The following AGMO variants were observed in gnomAD, a reference collection of about 807,000 sequenced individuals.
AGMO encodes alkylglycerol monooxygenase, also known as glyceryl-ether monooxygenase.
AGMO carries 75 observed loss-of-function variants against 60.2 expected under a neutral mutation model. The observed-to-expected ratio is 1.25, with a 90% CI of 1.03 to 1.51. The LOEUF (loss-of-function observed/expected upper bound fraction) is 1.51, where lower values mean the gene tolerates loss of function less well. Among genes scored for constraint, AGMO ranks in the 40% most tolerant of loss-of-function variants. AGMO has a pLI of 0.00. For synonymous variants in AGMO, 261 were observed against 177.1 expected, an observed-to-expected ratio of 1.47 and a Z score of -3.76; for missense variants, 763 against 525.5, an observed-to-expected ratio of 1.45 and a Z score of -4.42.
At chr7:15,513,238 C>T (rs1052360625) in intron 3 of AGMO, among the ~76,000 whole-genome samples, 1 of 152,134 alleles carries the variant, frequency 6.6e-6, no homozygotes, top group Non-Finnish European at 1.5e-5. Context: ...ACGAACATTA[C>T]TATTTTCCCA....
At chr7:15,385,321 G>A (rs540486515) in intron 10 of AGMO, 125 bp downstream of exon 10, 652 of 612,356 alleles carry the variant, frequency 1.1e-3, no homozygotes, top group Non-Finnish European at 1.6e-3. Flanking sequence ...AATGTGAGAC[G>A]TTGCCAAAAT....
intron 3 of AGMO, among the ~76,000 whole-genome samples, chr7:15,483,407 A>G (rs1355133283): frequency 8.5e-6 from 1 of 117,798 alleles, no homozygotes; most frequent in Non-Finnish European, 2.2e-5. Context: ...TCTACTAAAA[A>G]TACAAAAAAT....
At chr7:15,390,300 G>C (rs73284412) in intron 8 of AGMO, among the ~76,000 whole-genome samples, 66 of 152,274 alleles carry the variant, frequency 4.3e-4, no homozygotes, top group African/African-American at 1.3e-3. Flanking sequence ...TCTAACCAGA[G>C]TCATGCACCC....
At chr7:15,444,469 A>G (rs903805146) in intron 3 of AGMO, among the ~76,000 whole-genome samples, 19 of 152,210 alleles carry the variant, frequency 1.2e-4, no homozygotes, top group Non-Finnish European at 1.5e-5. Flanking sequence ...GAATCTTTCC[A>G]AAGCAATTAT....
chr7:15,306,508 A>G (rs773999851), intron 12 of AGMO: 19 of 470,036 alleles, frequency 4.0e-5, no homozygotes, highest in Middle Eastern at 3.2e-4. Context: ...CTCAAACTTA[A>G]AAGTTCTCCA....
At chr7:15,228,586 AG>A (rs1382074282) in intron 12 of AGMO, among the ~76,000 whole-genome samples, 1 of 152,192 alleles carries the variant, frequency 6.6e-6, no homozygotes, top group Non-Finnish European at 1.5e-5. Context: ...AGGACAGAAA[AG>A]TGAAAGAGCA....
intron 12 of AGMO, among the ~76,000 whole-genome samples, chr7:15,329,186 T>A (rs1781430094): frequency 6.6e-6 from 1 of 152,176 alleles, no homozygotes; most frequent in South Asian, 2.1e-4. Flanking sequence ...GAACGTAAAC[T>A]CCTCAGGGGC....
At chr7:15,161,822 T>C in the AGMO span, among the ~76,000 whole-genome samples, 9 of 152,166 alleles carry the variant, frequency 5.9e-5, no homozygotes, top group South Asian at 1.9e-3. Context: ...TCTGGCATCC[T>C]GTTAGTATGT....
chr7:15,415,127 A>T (rs1214164795), intron 5 of AGMO, among the ~76,000 whole-genome samples: 1 of 152,022 alleles, frequency 6.6e-6, no homozygotes, highest in Non-Finnish European at 1.5e-5. Context: ...TCAAAATTTA[A>T]TATTTCTGTT....
At chr7:15,314,127 G>A (rs1780845068) in intron 12 of AGMO, among the ~76,000 whole-genome samples, 3 of 152,016 alleles carry the variant, frequency 2.0e-5, no homozygotes, top group South Asian at 4.1e-4. Flanking sequence ...TGGACAGGTA[G>A]CATATATAGC....
chr7:15,263,562 A>G lies in AGMO; in HGVS notation c.1264-62203T>C, dbSNP rs1783342762. Reference sequence around the variant, plus strand: ...TTACCGTTTGATCACCAATCCCACTACTAGGTTATCTACCCAGAGGAAAAG... The same window carrying G: ...TTACCGTTTGATCACCAATCCCACTGCTAGGTTATCTACCCAGAGGAAAAG... On this transcript the variant is annotated intron_variant, in intron 12 of 12. Transcript: ENST00000342526. Among the ~76,000 whole-genome samples the G allele has an allele frequency of 3.3e-5, 5 of 152,264 alleles. 1 individual carries two copies. In the South Asian group the frequency reaches 1.0e-3, roughly 32 times the overall value.
At chr7:15,528,768 A>G (rs528350760) in intron 3 of AGMO, among the ~76,000 whole-genome samples, 2 of 151,944 alleles carry the variant, frequency 1.3e-5, no homozygotes, top group East Asian at 3.9e-4. Flanking sequence ...CCCACTTCAG[A>G]CTCCCAAGTA....
chr7:15,232,791 A>ACACACACG (rs1233744793), intron 12 of AGMO, among the ~76,000 whole-genome samples: 16 of 104,512 alleles, frequency 1.5e-4, no homozygotes, highest in African/African-American at 3.9e-4. Flanking sequence ...CATGGAAACC[A>ACACACACG]CACACACACG....
intron 12 of AGMO, among the ~76,000 whole-genome samples, chr7:15,344,956 A>C (rs1407203479): frequency 6.6e-6 from 1 of 152,144 alleles, no homozygotes; most frequent in African/African-American, 2.4e-5. Context: ...CAATTATCCT[A>C]AATCTTTCAG....
chr7:15,241,201 C>A (rs1198903902), intron 12 of AGMO, among the ~76,000 whole-genome samples: 2 of 152,022 alleles, frequency 1.3e-5, no homozygotes, highest in Non-Finnish European at 2.9e-5. Flanking sequence ...TGGCTCACGC[C>A]TGTAATCCCA....
chr7:15,429,612 G>C (rs1296642250), intron 4 of AGMO, among the ~76,000 whole-genome samples: 1 of 151,912 alleles, frequency 6.6e-6, no homozygotes, highest in Non-Finnish European at 1.5e-5. Context: ...GGCAGCTCTA[G>C]AAAAAGAATA....
the AGMO span, among the ~76,000 whole-genome samples, chr7:15,141,203 A>T: frequency 1.2e-4 from 18 of 152,166 alleles, no homozygotes; most frequent in Non-Finnish European, 1.8e-4. Context: ...CTGCAGTTTC[A>T]GTCTCAACCT....
chr7:15,488,903 A>C (rs1782993463), intron 3 of AGMO, among the ~76,000 whole-genome samples: 1 of 107,280 alleles, frequency 9.3e-6, no homozygotes, highest in Admixed American at 1.2e-4. Flanking sequence ...AGAAGATGAC[A>C]ATATTTGATA....
intron 5 of AGMO, among the ~76,000 whole-genome samples, chr7:15,401,732 G>A (rs1307016986): frequency 1.3e-5 from 2 of 152,242 alleles, no homozygotes; most frequent in Middle Eastern, 6.8e-3. Context: ...ATTCTTGTCT[G>A]AGAGGGAAAA....
Sources: gnomAD v4.1 joint callset for allele counts (sites outside exome capture counted in the v4.1 genomes callset) on GRCh38, gnomAD v4.1.1 for gene constraint, MANE v1.5 for transcripts, NCBI Gene and HGNC (gene_info 2026-07-23, HGNC 2026-07-21) for gene names.